The following ATXN7 variants were observed in gnomAD, a reference collection of about 807,000 sequenced individuals.
ATXN7 encodes the protein ataxin-7.
ATXN7 carries 12 observed loss-of-function variants against 70.5 expected under a neutral mutation model. The observed-to-expected ratio is 0.17, with a 90% CI of 0.11 to 0.28. ATXN7 has a LOEUF of 0.28. Ranked by LOEUF, ATXN7 falls within the 10% of genes least tolerant of loss-of-function variation. The pLI is 1.00. For missense variants in ATXN7, 1,256 were observed against 1,131.7 expected (o/e 1.11, Z -1.58); for synonymous variants, 498 against 448.7 (o/e 1.11, Z -1.39).
chr3:63,986,496 G>A (rs1256882652), intron 8 of ATXN7, among the ~76,000 whole-genome samples: 1 of 152,166 alleles, frequency 6.6e-6, no homozygotes, highest in African/African-American at 2.4e-5. Flanking sequence ...GGAGAGACAG[G>A]CAGGTGGACC....
At chr3:63,874,065 T>G (rs1702674896) in intron 1 of ATXN7, among the ~76,000 whole-genome samples, 1 of 152,220 alleles carries the variant, frequency 6.6e-6, no homozygotes, top group South Asian at 2.1e-4. Flanking sequence ...TATTTCCATT[T>G]AACCTTACTG....
chr3:63,947,639 G>A (rs962620466), intron 4 of ATXN7, among the ~76,000 whole-genome samples: 10 of 152,084 alleles, frequency 6.6e-5, no homozygotes, highest in Admixed American at 1.3e-4. Context: ...CCAAGGTCAC[G>A]TTTCTTTTGA....
At chr3:63,910,744 A>C (rs148870048) in intron 2 of ATXN7, among the ~76,000 whole-genome samples, 1 of 152,234 alleles carries the variant, frequency 6.6e-6, no homozygotes, top group Non-Finnish European at 1.5e-5. Context: ...GGAAGTAACC[A>C]TGGTTTCACT....
At chr3:63,944,734 G>A (rs761741473) in intron 4 of ATXN7, among the ~76,000 whole-genome samples, 32 of 152,088 alleles carry the variant, frequency 2.1e-4, no homozygotes, top group Non-Finnish European at 4.3e-4. Context: ...TTCTAATGTG[G>A]ATCAATTTTG....
intron 4 of ATXN7, among the ~76,000 whole-genome samples, chr3:63,914,594 A>G (rs1397350852): frequency 6.6e-6 from 1 of 152,204 alleles, no homozygotes; most frequent in Non-Finnish European, 1.5e-5. Flanking sequence ...CAGTTAGAGT[A>G]GAACTTTAGA....
chr3:63,989,490 G>A (rs1031616472), intron 9 of ATXN7, among the ~76,000 whole-genome samples: 3 of 151,960 alleles, frequency 2.0e-5, no homozygotes, highest in East Asian at 1.9e-4. Flanking sequence ...TTTCACATCC[G>A]TGGTTTACAC....
intron 1 of ATXN7, chr3:63,864,622 T>G (rs6779372): frequency 0.78 from 117,565 of 151,670 alleles, 45,683 homozygotes; most frequent in Admixed American, 0.84. Flanking sequence ...AGGAGCGTGT[T>G]GCCATCGTCC....
At position 63,927,449 on chromosome 3, in the gene ATXN7, C is replaced by A. The variant is rs537399633; in HGVS notation, c.394+14224C>A. On this transcript the variant is annotated intron_variant, in intron 4 of 12. Coordinates refer to ENST00000674280, the MANE Select transcript of ATXN7 (RefSeq NM_001377405.1). ...GCCCGGAGGGGGAAAACAGTATAGA[C>A]CACCCACTAATAATAATTCTTGTTG... is the stretch of plus-strand genomic sequence containing the variant. 3.2e-4 allele frequency among the ~76,000 whole-genome samples: 49 copies of A among 152,288 alleles called. No individual in the cohort carries two copies. The South Asian group carries it at 9.3e-3, about 29-fold the overall frequency.
At chr3:63,994,024 C>G (rs2106798355) in intron 11 of ATXN7, among the ~76,000 whole-genome samples, 1 of 152,244 alleles carries the variant, frequency 6.6e-6, no homozygotes, top group South Asian at 2.1e-4. Context: ...GAGAGAGAGC[C>G]TAGCCTCTCA....
intron 4 of ATXN7, among the ~76,000 whole-genome samples, chr3:63,935,063 A>G (rs2074633796): frequency 6.6e-6 from 1 of 152,220 alleles, no homozygotes; most frequent in African/African-American, 2.4e-5. Flanking sequence ...AGTGCCTGGT[A>G]TGTAGAAATG....
At chr3:63,991,310 G>C (rs905137683) in intron 11 of ATXN7, among the ~76,000 whole-genome samples, 1 of 116,832 alleles carries the variant, frequency 8.6e-6, no homozygotes, top group African/African-American at 3.5e-5. Flanking sequence ...TTTTTTTTTT[G>C]TTTTGTTTTT....
At chr3:63,893,643 G>C (rs1703355439) in intron 1 of ATXN7, among the ~76,000 whole-genome samples, 1 of 152,318 alleles carries the variant, frequency 6.6e-6, no homozygotes, top group South Asian at 2.1e-4. Context: ...GACTGCAGTG[G>C]CTGAAATGTA....
At chr3:63,959,443 G>C (rs1575952550) in intron 5 of ATXN7, among the ~76,000 whole-genome samples, 1 of 152,266 alleles carries the variant, frequency 6.6e-6, no homozygotes, top group South Asian at 2.1e-4. Context: ...GGAAATTCCA[G>C]GTTGGCCTTT....
chr3:63,910,981 A>C (rs1703993893), intron 2 of ATXN7, among the ~76,000 whole-genome samples: 1 of 152,110 alleles, frequency 6.6e-6, no homozygotes, highest in Admixed American at 6.5e-5. Flanking sequence ...GTGTTTCTGC[A>C]AGTTGGACCA....
intron 4 of ATXN7, among the ~76,000 whole-genome samples, chr3:63,935,766 T>C (rs535825610): frequency 3.3e-5 from 5 of 152,328 alleles, no homozygotes; most frequent in Admixed American, 3.3e-4. Context: ...GTTTTTTTTT[T>C]CAATAGTCAC....
chr3:63,965,326 C>G (rs979981222), intron 5 of ATXN7, among the ~76,000 whole-genome samples: 2 of 152,198 alleles, frequency 1.3e-5, no homozygotes, highest in Non-Finnish European at 2.9e-5. Context: ...TCCTGAGTCT[C>G]TTGCCCACGG....
chr3:63,959,735 T>C (rs2106685360), intron 5 of ATXN7, among the ~76,000 whole-genome samples: 1 of 152,352 alleles, frequency 6.6e-6, no homozygotes, highest in Middle Eastern at 3.4e-3. Context: ...ATGTCATTTG[T>C]AGGAGCAACA....
chr3:63,928,157 T>C (rs1455641492), intron 4 of ATXN7, among the ~76,000 whole-genome samples: 1 of 152,226 alleles, frequency 6.6e-6, no homozygotes, highest in Non-Finnish European at 1.5e-5. Flanking sequence ...TACTGAAGGC[T>C]GAGCGCAGTG....
intron 1 of ATXN7, chr3:63,873,714 T>C (rs1702664451): frequency 6.6e-6 from 1 of 152,228 alleles, no homozygotes; most frequent in South Asian, 2.1e-4. Flanking sequence ...TTGTTTTGTT[T>C]TGTGTTTGAA....
Sources: allele counts gnomAD v4.1 joint callset (sites outside exome capture counted in the v4.1 genomes callset), GRCh38; gene constraint gnomAD v4.1.1; transcripts MANE v1.5; gene names NCBI Gene and HGNC (gene_info 2026-07-23, HGNC 2026-07-21).